GRXCR2: variants seen among roughly 807,000 people sequenced by gnomAD.
GRXCR2 encodes the protein glutaredoxin and cysteine rich domain containing 2.
Under a neutral mutation model 24.8 loss-of-function variants are expected in GRXCR2, and 23 were observed. The observed-to-expected ratio is 0.93, with a 90% CI of 0.67 to 1.32. The LOEUF (loss-of-function observed/expected upper bound fraction) is 1.32. Ranked by LOEUF, GRXCR2 falls within the 40% of genes most tolerant of loss-of-function variation. The pLI is 0.00. For missense variants in GRXCR2, 315 were observed against 303.4 expected (o/e 1.04, Z -0.28); for synonymous variants, 130 against 116.1 (o/e 1.12, Z -0.77).
chr5:145,908,594 C>T (rs1757121400), intron 2 of GRXCR2, among the ~76,000 whole-genome samples: 1 of 152,182 alleles, frequency 6.6e-6, no homozygotes, highest in Admixed American at 6.5e-5. Context: ...GTTTTGCAAA[C>T]AGCTGGATCT....
intron 2 of GRXCR2, among the ~76,000 whole-genome samples, chr5:145,863,982 T>C (rs759685724): frequency 6.6e-6 from 1 of 152,240 alleles, no homozygotes; most frequent in Non-Finnish European, 1.5e-5. Flanking sequence ...AGCATAAACA[T>C]GGCCAGGCCT....
intron 2 of GRXCR2, among the ~76,000 whole-genome samples, chr5:145,894,062 A>T (rs1208123336): frequency 6.6e-6 from 1 of 152,250 alleles, no homozygotes; most frequent in African/African-American, 2.4e-5. Flanking sequence ...GAAGGCAGAA[A>T]TAAAGATGTT....
At chr5:145,908,664 T>C (rs1039016150) in intron 2 of GRXCR2, among the ~76,000 whole-genome samples, 3 of 152,140 alleles carry the variant, frequency 2.0e-5, no homozygotes, top group Non-Finnish European at 2.9e-5. Flanking sequence ...TCAATTATAA[T>C]AAGCAAAAAC....
Position 145,872,911 on chromosome 5 carries a change from G to A in GRXCR2, c.58C>T (p.Arg20Ter), listed in dbSNP as rs762841261. 41 of 1,614,036 alleles carry A rather than the reference G, an allele frequency of 2.5e-5. No homozygotes were observed. Among genetic ancestry groups the A allele is most frequent in the Non-Finnish European group, 3.1e-5 (37 of 1,180,020 alleles). ...CTGTAGGAGGAGGAGATTTTAAATC[G>A]TACTTTCCGGGGTTTGCCATCACTC... ...QKSDGKPRKV[R>*]FKISSSYSGR... Residue 20 changes from arginine (R) to a stop codon, truncating the protein, a stop_gained, in exon 1 of 3, where the codon CGA becomes TGA. Coordinates refer to ENST00000377976, the MANE Select transcript of GRXCR2 (RefSeq NM_001080516.2). LOFTEE classifies it high-confidence loss of function.
intron 2 of GRXCR2, among the ~76,000 whole-genome samples, chr5:145,889,907 A>T (rs1209510792): frequency 6.6e-6 from 1 of 152,194 alleles, no homozygotes; most frequent in Non-Finnish European, 1.5e-5. Flanking sequence ...GGAAGAGATA[A>T]ACATCTTAAA....
upstream of GRXCR2, among the ~76,000 whole-genome samples, chr5:145,876,197 A>G (rs1219604014): frequency 0.013 from 1,674 of 133,700 alleles, 34 homozygotes; most frequent in African/African-American, 0.05. Flanking sequence ...GTGTGTATAT[A>G]TATATATATA....
chr5:145,875,559 T>G (rs1432775), upstream of GRXCR2, among the ~76,000 whole-genome samples: 56,368 of 151,152 alleles, frequency 0.37, 11,064 homozygotes, highest in East Asian at 0.69. Context: ...AAAAAATAAA[T>G]AAAGAATAGT....
chr5:145,884,751 C>G (rs1756754772), intron 2 of GRXCR2, among the ~76,000 whole-genome samples: 1 of 152,056 alleles, frequency 6.6e-6, no homozygotes, highest in Non-Finnish European at 1.5e-5. Context: ...AATTTACATT[C>G]CAAGCACTTG....
At position 145,872,752 on chromosome 5, in the gene GRXCR2, G is replaced by A. The variant is rs752981851; in HGVS notation, c.217C>T (p.Pro73Ser). Residue 73 changes from proline to serine, a missense_variant, in exon 1 of 3, where the codon CCC (proline) becomes TCC (serine). Transcript: ENST00000377976. Reference protein sequence around the residue: ...GVYGSGEVPRPQMCSPKLTAQ... With the variant: ...GVYGSGEVPRSQMCSPKLTAQ... The stretch of plus-strand genomic sequence containing the variant: ...GTCAGCTTAGGGGAGCACATCTGGG[G>A]CCTGGGGACTTCCCCAGACCCATAA... 6.2e-7 allele frequency: 1 copy of A among 1,613,946 alleles called. No homozygotes were observed. The highest frequency in any genetic ancestry group is 1.7e-5 in the Admixed American group (1 of 60,024).
chr5:145,889,975 A>C (rs933252817), intron 2 of GRXCR2, among the ~76,000 whole-genome samples: 3 of 152,262 alleles, frequency 2.0e-5, no homozygotes, highest in Non-Finnish European at 2.9e-5. Context: ...TTCAAAATAC[A>C]ATTGAAAGCT....
chr5:145,892,889 T>C (rs1002176851), intron 2 of GRXCR2, among the ~76,000 whole-genome samples: 2 of 152,182 alleles, frequency 1.3e-5, no homozygotes, highest in African/African-American at 4.8e-5. Flanking sequence ...AGAGAAAGGT[T>C]GGCTTACCCA....
chr5:145,862,506 TC>T (rs1421940109), intron 2 of GRXCR2, among the ~76,000 whole-genome samples: 1 of 152,182 alleles, frequency 6.6e-6, no homozygotes. Context: ...GCCTCTTTCT[TC>T]CTTTCTCTGT....
At chr5:145,880,393 T>C (rs1348382750) in intron 2 of GRXCR2, among the ~76,000 whole-genome samples, 4 of 152,116 alleles carry the variant, frequency 2.6e-5, no homozygotes, top group Non-Finnish European at 5.9e-5. Context: ...AAATACAAGC[T>C]ATCATCAGAA....
intron 2 of GRXCR2, among the ~76,000 whole-genome samples, chr5:145,882,935 C>T (rs1015739387): frequency 6.7e-6 from 1 of 149,864 alleles, no homozygotes; most frequent in African/African-American, 2.5e-5. Flanking sequence ...GAAAACCAAA[C>T]ACCATATGTT....
intron 2 of GRXCR2, among the ~76,000 whole-genome samples, chr5:145,894,707 A>T (rs1184715169): frequency 6.6e-6 from 1 of 152,214 alleles, no homozygotes; most frequent in Non-Finnish European, 1.5e-5. Context: ...CAGAAATACA[A>T]GGAGGAGCTG....
intron 2 of GRXCR2, among the ~76,000 whole-genome samples, chr5:145,907,676 T>A (rs986663479): frequency 6.6e-6 from 1 of 152,040 alleles, no homozygotes; most frequent in African/African-American, 2.4e-5. Flanking sequence ...GTTTTGAAGG[T>A]AAAAGCCAAT....
chr5:145,913,197 A>G (rs1332688557), intron 2 of GRXCR2, among the ~76,000 whole-genome samples: 1 of 152,172 alleles, frequency 6.6e-6, no homozygotes, highest in African/African-American at 2.4e-5. Context: ...ACCAAAAGAC[A>G]AACTGTGGAC....
chr5:145,912,043 G>A (rs906121498), intron 2 of GRXCR2, among the ~76,000 whole-genome samples: 47 of 152,324 alleles, frequency 3.1e-4, no homozygotes, highest in African/African-American at 1.1e-3. Flanking sequence ...GCTGCAGTGA[G>A]CTGTGATTGT....
intron 2 of GRXCR2, among the ~76,000 whole-genome samples, chr5:145,891,050 T>G (rs1756856837): frequency 6.6e-6 from 1 of 152,076 alleles, no homozygotes; most frequent in African/African-American, 2.4e-5. Context: ...AGGGTTCAAT[T>G]CAACAAGAAG....
Sources: gnomAD v4.1 joint callset for allele counts (sites outside exome capture counted in the v4.1 genomes callset) on GRCh38, gnomAD v4.1.1 for gene constraint, MANE v1.5 for transcripts, NCBI Gene and HGNC (gene_info 2026-07-23, HGNC 2026-07-21) for gene names.